The following LRP2 variants were observed in gnomAD, a reference collection of about 807,000 sequenced individuals.
LRP2 encodes LDL receptor related protein 2, also known as low-density lipoprotein receptor-related protein 2.
Under a neutral mutation model 531.0 loss-of-function variants are expected in LRP2, and 172 were observed. That is an observed-to-expected ratio of 0.32 (90% CI 0.29 to 0.37). LRP2 has a LOEUF of 0.37. Ranked by LOEUF, LRP2 falls within the 10% of genes least tolerant of loss-of-function variation. The probability of loss-of-function intolerance (pLI) is 1.00; values close to 1 mark genes in which losing one functional copy is unlikely to be tolerated. For synonymous variants in LRP2, 1,992 were observed against 2,027.6 expected, an observed-to-expected ratio of 0.98 and a Z score of 0.47; for missense variants, 5,167 against 5,868.3, an observed-to-expected ratio of 0.88 and a Z score of 3.90.
At chr2:169,346,225 C>T (rs1215150182) in intron 1 of LRP2, among the ~76,000 whole-genome samples, 1 of 152,196 alleles carries the variant, frequency 6.6e-6, no homozygotes, top group Non-Finnish European at 1.5e-5. Context: ...GCCATGTTCT[C>T]TCGTCTGCAC....
intron 16 of LRP2, 128 bp from the exon 17 acceptor site, chr2:169,259,345 TAAAAA>T (rs58193729): frequency 4.3e-3 from 1,820 of 421,124 alleles, no homozygotes; most frequent in Middle Eastern, 0.011. Flanking sequence ...TGGAATTCTT[TAAAAA>T]AAAAAAAAAA....
chr2:169,267,610 G>A (rs1683254783), intron 16 of LRP2, among the ~76,000 whole-genome samples: 1 of 152,286 alleles, frequency 6.6e-6, no homozygotes, highest in South Asian at 2.1e-4. Context: ...GAAGTAGGGT[G>A]TAGAAGGAAA....
chr2:169,233,629 C>G lies in LRP2; in HGVS notation c.4921-41G>C, dbSNP rs78750385. 16,203 of 1,586,918 alleles carry G rather than the reference C, an allele frequency of 0.01. 422 individuals are homozygous for G. The highest frequency in any genetic ancestry group is 0.096 in the African/African-American group (7,126 of 74,448). On this transcript the variant is annotated intron_variant, in intron 29 of 78. Coordinates refer to ENST00000649046, the MANE Select transcript of LRP2 (RefSeq NM_004525.3). ...GAACAGTGAGACCTCATCCAAAAAT[C>G]AAAGCCAAGGTGCACTGAGTCAAAG...
chr2:169,226,259 C>A (rs1296456082), intron 32 of LRP2, among the ~76,000 whole-genome samples, 163 bp downstream of exon 32: 2 of 152,192 alleles, frequency 1.3e-5, no homozygotes, highest in African/African-American at 4.8e-5. Context: ...CCAGGCCAAG[C>A]TCACATATAT....
At chr2:169,308,570 G>A (rs968165421) in intron 3 of LRP2, among the ~76,000 whole-genome samples, 43 of 152,288 alleles carry the variant, frequency 2.8e-4, no homozygotes, top group Admixed American at 6.5e-4. Context: ...TTTTACGGCT[G>A]CATAGTATTC....
At chr2:169,346,683 T>C (rs1473881258) in intron 1 of LRP2, among the ~76,000 whole-genome samples, 1 of 152,074 alleles carries the variant, frequency 6.6e-6, no homozygotes, top group Non-Finnish European at 1.5e-5. Context: ...CTAAATTTTT[T>C]TAAAAATAGA....
intron 32 of LRP2, among the ~76,000 whole-genome samples, chr2:169,225,895 G>A (rs1263293031): frequency 1.3e-5 from 2 of 152,220 alleles, no homozygotes; most frequent in Non-Finnish European, 2.9e-5. Flanking sequence ...CTGAGGAAGA[G>A]AACTGGAGAA....
At chr2:169,346,391 T>C (rs951164699) in intron 1 of LRP2, among the ~76,000 whole-genome samples, 4 of 152,132 alleles carry the variant, frequency 2.6e-5, no homozygotes, top group African/African-American at 9.7e-5. Flanking sequence ...GAACCAAATA[T>C]TAGGGAAGAA....
chr2:169,207,234 G>A lies in LRP2; in HGVS notation c.6486C>T (p.Thr2162=). 1.2e-6 allele frequency: 2 copies of A among 1,613,650 alleles called. No homozygotes were observed. The highest frequency in any genetic ancestry group is 2.2e-5 in the East Asian group (1 of 44,886). The change falls in exon 39 of 79, where the codon ACC becomes ACT. Residue 2162 remains threonine (T), a synonymous_variant. Coordinates refer to ENST00000649046, the MANE Select transcript of LRP2 (RefSeq NM_004525.3). ...TCAGTGTTTCAGAAACAAAGGCATTGGTGAAATAAAGATTTCCTATGGGAA... is the reference window on the plus strand; with the variant it reads ...TCAGTGTTTCAGAAACAAAGGCATTAGTGAAATAAAGATTTCCTATGGGAA... ...VDWVAGNLYF[T]NAFVSETLIE...
intron 47 of LRP2, among the ~76,000 whole-genome samples, 164 bp from the exon 48 acceptor site, chr2:169,192,197 C>T (rs1037409948): frequency 6.6e-6 from 1 of 152,046 alleles, no homozygotes; most frequent in African/African-American, 2.4e-5. Flanking sequence ...ATAAAAATAC[C>T]TCCAAAGATT....
chr2:169,204,449 C>A (rs1250861149), intron 41 of LRP2, among the ~76,000 whole-genome samples, 178 bp from the exon 42 acceptor site: 1 of 152,066 alleles, frequency 6.6e-6, no homozygotes, highest in African/African-American at 2.4e-5. Context: ...GTTTGCTTAT[C>A]AAACAATAGC....
intron 74 of LRP2, 78 bp from the exon 75 acceptor site, chr2:169,138,784 T>C: frequency 6.6e-7 from 1 of 1,512,966 alleles, no homozygotes. Context: ...CCTTTCACAA[T>C]AGTACCCTCT....
Position 169,146,725 on chromosome 2 carries a change from A to G in LRP2, c.12811+14T>C, listed in dbSNP as rs1326408703. ...TTATTAATTTAATATATTACTTTCTAACTAATTTCTAACCTTCCTTTGCAA... is the reference window on the plus strand; with the variant it reads ...TTATTAATTTAATATATTACTTTCTGACTAATTTCTAACCTTCCTTTGCAA... On this transcript the variant is annotated intron_variant, in intron 69 of 78. Transcript: ENST00000649046. The G allele has an allele frequency of 2.5e-6, 4 of 1,575,496 alleles. No individual in the cohort carries two copies. In the African/African-American group the frequency reaches 4.0e-5, roughly 16 times the overall value.
chr2:169,347,958 G>C (rs575576945), intron 1 of LRP2, among the ~76,000 whole-genome samples: 4 of 152,240 alleles, frequency 2.6e-5, no homozygotes, highest in South Asian at 2.1e-4. Flanking sequence ...ATTTGATTAC[G>C]TACAGAGGAC....
At chr2:169,186,056 A>G in intron 49 of LRP2, 37 bp from the exon 50 acceptor site, 1 of 1,582,390 alleles carries the variant, frequency 6.3e-7, no homozygotes, top group African/African-American at 1.3e-5. Context: ...ATCCTAAAAT[A>G]TCAACGACCA....
chr2:169,328,021 G>A (rs1248360135), intron 1 of LRP2, among the ~76,000 whole-genome samples: 2 of 134,832 alleles, frequency 1.5e-5, no homozygotes, highest in Admixed American at 7.1e-5. Flanking sequence ...GGTGGGGGGG[G>A]GTCAGCCCCC....
At chr2:169,338,229 G>A (rs1378005372) in intron 1 of LRP2, among the ~76,000 whole-genome samples, 2 of 137,638 alleles carry the variant, frequency 1.5e-5, no homozygotes, top group Non-Finnish European at 3.1e-5. Flanking sequence ...AAGGAAGGAA[G>A]GAGGGAAGGG....
At chr2:169,336,802 A>G (rs1185681810) in intron 1 of LRP2, among the ~76,000 whole-genome samples, 1 of 152,190 alleles carries the variant, frequency 6.6e-6, no homozygotes, top group Non-Finnish European at 1.5e-5. Flanking sequence ...CCGTTTGGCT[A>G]TCCTCAAGCA....
At chr2:169,235,410 T>C (rs1048911192) in intron 29 of LRP2, among the ~76,000 whole-genome samples, 11 of 151,950 alleles carry the variant, frequency 7.2e-5, no homozygotes, top group Non-Finnish European at 1.6e-4. Context: ...GGCTAATTTT[T>C]GTGTTTTTAG....
Sources: allele counts gnomAD v4.1 joint callset (sites outside exome capture counted in the v4.1 genomes callset), GRCh38; gene constraint gnomAD v4.1.1; transcripts MANE v1.5; gene names NCBI Gene and HGNC (gene_info 2026-07-23, HGNC 2026-07-21).